The following FBXW8 variants were observed in gnomAD, a reference collection of about 807,000 sequenced individuals.
FBXW8 encodes F-box and WD repeat domain containing 8, also known as F-box/WD repeat-containing protein 8.
Under a neutral mutation model 65.3 loss-of-function variants are expected in FBXW8, and 57 were observed. That is an observed-to-expected ratio of 0.87 (90% CI 0.71 to 1.09). FBXW8 has a LOEUF of 1.09. FBXW8 is among the 50% of genes least tolerant of loss of function. FBXW8 has a pLI of 0.00. For missense variants in FBXW8, 777 were observed against 814.8 expected, an observed-to-expected ratio of 0.95 and a Z score of 0.57; for synonymous variants, 308 against 330.2, an observed-to-expected ratio of 0.93 and a Z score of 0.73.
rs1187633001 is a variant in FBXW8, at chr12:116,945,363, GGT to G, written c.425_426del (p.Val142GlufsTer11). ...CATTTGTGTCACTTCTGCTGTTTTA[GGT>G]GAGCAAGACGTGGAAGGTGATTGCA... ...DRKELGRCAQVSKTWKVIAED... is the reference protein window; with the variant it reads ...DRKELGRCAQXSKTWKVIAED... On this transcript the variant is annotated frameshift_variant and splice_region_variant, in exon 3 of 11. Transcript: ENST00000652555. LOFTEE classifies it high-confidence loss of function. 1 of 1,608,810 alleles carries G rather than the reference GGT, an allele frequency of 6.2e-7. No homozygotes were observed. The highest frequency in any genetic ancestry group is 8.5e-7 in the Non-Finnish European group (1 of 1,176,880).
intron 2 of FBXW8, among the ~76,000 whole-genome samples, chr12:116,938,421 G>A (rs867865540): frequency 6.6e-6 from 1 of 152,200 alleles, no homozygotes; most frequent in African/African-American, 2.4e-5. Context: ...ACTGTGACCC[G>A]GGGTTAGTGA....
At chr12:116,996,495 T>C (rs1365257186) in intron 7 of FBXW8, among the ~76,000 whole-genome samples, 1 of 132,114 alleles carries the variant, frequency 7.6e-6, no homozygotes, top group Non-Finnish European at 1.7e-5. Context: ...TTTTGTTCCA[T>C]ATTCTAGTCC....
rs1412753258 is a variant in FBXW8, at chr12:117,027,938, C to T, written c.1653-90C>T. ...GTGAAGCTGAACCTCTATCTGGTCT[C>T]AGGCGAACGCCTCCTGCACAGACAG... On this transcript the variant is annotated intron_variant, in intron 10 of 10. Transcript: ENST00000652555. 5.2e-6 allele frequency: 8 copies of T among 1,546,638 alleles called. No homozygotes were observed. The East Asian group carries it at 1.8e-4, about 35-fold the overall frequency.
chr12:116,940,181 G>C (rs530237178), intron 2 of FBXW8, among the ~76,000 whole-genome samples: 1 of 152,240 alleles, frequency 6.6e-6, no homozygotes, highest in East Asian at 1.9e-4. Context: ...TAATGGATCC[G>C]TGTCAGCCTG....
At chr12:116,937,316 T>A (rs1882237025) in intron 2 of FBXW8, among the ~76,000 whole-genome samples, 1 of 152,078 alleles carries the variant, frequency 6.6e-6, no homozygotes. Context: ...TTGATGGTAT[T>A]TAAGGCCAGG....
chr12:116,932,163 G>A (rs78590716), intron 2 of FBXW8, among the ~76,000 whole-genome samples: 11 of 151,888 alleles, frequency 7.2e-5, no homozygotes, highest in African/African-American at 1.5e-4. Context: ...TTGATTTTTC[G>A]TAAGTTAAAT....
chr12:116,927,947 A>T, intron 1 of FBXW8, 76 bp from the exon 2 acceptor site: 1 of 859,774 alleles, frequency 1.2e-6, no homozygotes, highest in Non-Finnish European at 1.9e-6. Context: ...ATCTCTGGTC[A>T]TTTAAAGGGC....
At chr12:116,914,910 A>G (rs1016742521) in intron 1 of FBXW8, among the ~76,000 whole-genome samples, 1 of 152,208 alleles carries the variant, frequency 6.6e-6, no homozygotes, top group Non-Finnish European at 1.5e-5. Context: ...CTTTGCAATC[A>G]TTAGTAACAC....
chr12:116,982,338 G>C (rs1477346704), intron 5 of FBXW8, among the ~76,000 whole-genome samples: 2 of 152,184 alleles, frequency 1.3e-5, no homozygotes, highest in Non-Finnish European at 2.9e-5. Context: ...GAAAACTGGC[G>C]TGGCCATGCA....
chr12:116,944,785 T>C (rs1882820098), intron 2 of FBXW8, among the ~76,000 whole-genome samples: 1 of 152,212 alleles, frequency 6.6e-6, no homozygotes, highest in African/African-American at 2.4e-5. Flanking sequence ...ATAACATTAA[T>C]TTTTCTAGAT....
intron 8 of FBXW8, among the ~76,000 whole-genome samples, chr12:117,015,540 T>C (rs1953931490): frequency 6.6e-6 from 1 of 152,174 alleles, no homozygotes; most frequent in Admixed American, 6.6e-5. Context: ...ACTGGGGATC[T>C]CGCAGGGAGA....
chr12:117,027,645 A>C, intron 10 of FBXW8, 141 bp downstream of exon 10: 1 of 716,512 alleles, frequency 1.4e-6, no homozygotes, highest in Non-Finnish European at 2.4e-6. Context: ...TGGAAACATA[A>C]ACGTGGATGC....
In FBXW8 at chr12:117,024,133, C is replaced by T. The variant is rs7958175; in HGVS notation, c.1368-14C>T. On this transcript the variant is annotated splice_polypyrimidine_tract_variant and intron_variant, in intron 8 of 10. Coordinates refer to ENST00000652555, the MANE Select transcript of FBXW8 (RefSeq NM_153348.3). ...ACCCCATTTCCCTTCTCTGCTCTTC[C>T]TGGGCCTGTCCAGGGTGAGGATCCA... 0.029 allele frequency: 45,999 copies of T among 1,611,150 alleles called. 2,340 individuals carry two copies. The highest frequency in any genetic ancestry group is 0.22 in the African/African-American group (16,488 of 74,882).
chr12:116,933,052 TC>T (rs1238226297), intron 2 of FBXW8, among the ~76,000 whole-genome samples: 2 of 152,210 alleles, frequency 1.3e-5, no homozygotes, highest in Non-Finnish European at 2.9e-5. Flanking sequence ...TAAACTGTGC[TC>T]AGAGCCTATG....
At chr12:116,924,779 G>A (rs1438196833) in intron 1 of FBXW8, among the ~76,000 whole-genome samples, 1 of 152,176 alleles carries the variant, frequency 6.6e-6, no homozygotes, top group African/African-American at 2.4e-5. Flanking sequence ...ACTAATAAAA[G>A]AGGTGTGTTT....
chr12:116,950,510 G>A (rs1883205810), intron 4 of FBXW8: 1 of 152,188 alleles, frequency 6.6e-6, no homozygotes, highest in South Asian at 2.1e-4. Context: ...CTCAGTAGTA[G>A]AGGAGTCCTT....
chr12:116,933,897 G>T (rs1370847798), intron 2 of FBXW8, among the ~76,000 whole-genome samples: 1 of 152,072 alleles, frequency 6.6e-6, no homozygotes, highest in African/African-American at 2.4e-5. Context: ...GCTGCTTTAT[G>T]ATTTTATTTT....
intron 1 of FBXW8, among the ~76,000 whole-genome samples, chr12:116,916,453 C>T (rs1880413425): frequency 1.3e-5 from 2 of 152,162 alleles, no homozygotes; most frequent in African/African-American, 4.8e-5. Flanking sequence ...GAAATACATG[C>T]CATGGCTGGG....
chr12:117,019,750 C>T (rs992182143), intron 8 of FBXW8, among the ~76,000 whole-genome samples: 7 of 152,112 alleles, frequency 4.6e-5, no homozygotes, highest in African/African-American at 7.2e-5. Flanking sequence ...GAAGGCCTCC[C>T]GGTCATGAAT....
Sources: allele counts gnomAD v4.1 joint callset (sites outside exome capture counted in the v4.1 genomes callset), GRCh38; gene constraint gnomAD v4.1.1; transcripts MANE v1.5; gene names NCBI Gene and HGNC (gene_info 2026-07-23, HGNC 2026-07-21).